Variants in PPAT observed in about 807,000 individuals in gnomAD.
The protein encoded by PPAT is amidophosphoribosyltransferase.
A neutral mutation model predicts 60.2 loss-of-function variants in PPAT; 20 were observed. That is an observed-to-expected ratio of 0.33 (90% CI 0.23 to 0.48). The LOEUF is 0.48. PPAT is among the 20% of genes least tolerant of loss of function. PPAT has a pLI of 0.99. For missense variants in PPAT, 349 were observed against 629.6 expected (o/e 0.55, Z 4.77); for synonymous variants, 194 against 215.1 (o/e 0.90, Z 0.86).
chr4:56,407,124 CT>C (rs1333392350), intron 2 of PPAT, among the ~76,000 whole-genome samples: 1 of 152,086 alleles, frequency 6.6e-6, no homozygotes, highest in African/African-American at 2.4e-5. Context: ...AAATGACCCC[CT>C]ATTTGAGTTG....
In PPAT at chr4:56,396,691, C is replaced by A; in HGVS notation, c.1285G>T (p.Gly429Ter). 1 of 1,610,676 alleles carries A rather than the reference C, an allele frequency of 6.2e-7. No individual in the cohort carries two copies. The highest frequency in any genetic ancestry group is 8.5e-7 in the Non-Finnish European group (1 of 1,177,542). The change falls in exon 10 of 11, where the codon GGA becomes TGA. Residue 429 changes from glycine to a stop codon, truncating the protein, a stop_gained. Coordinates refer to ENST00000264220, the MANE Select transcript of PPAT (RefSeq NM_002703.5). LOFTEE classifies it high-confidence loss of function. This position sits in a 1 kb window ranked among gnomAD's most constrained non-coding sequence, Gnocchi z 4.6. ...SPPIKYPCFM[G>*]INIPTKEELI... ...TCTTCTTTTGTAGGAATGTTTATTC[C>A]CATGAAGCATGGATATTTAATTGGT...
At chr4:56,427,249 C>T (rs1054063219) in intron 1 of PPAT, among the ~76,000 whole-genome samples, 7 of 152,120 alleles carry the variant, frequency 4.6e-5, no homozygotes, top group Admixed American at 1.3e-4. Flanking sequence ...TACCCAGAAG[C>T]GAAATTGTTG....
chr4:56,418,126 C>G (rs886336537), intron 1 of PPAT, among the ~76,000 whole-genome samples: 1 of 151,888 alleles, frequency 6.6e-6, no homozygotes. Context: ...CGTGAGCCAC[C>G]GCACCTGGCT....
At chr4:56,433,966 A>T (rs1017476820) in intron 1 of PPAT, among the ~76,000 whole-genome samples, 2 of 152,208 alleles carry the variant, frequency 1.3e-5, no homozygotes, top group African/African-American at 4.8e-5. Flanking sequence ...CTGGGATTAC[A>T]GGCGTGAGCC....
At chr4:56,432,572 T>C (rs1372403394) in intron 1 of PPAT, among the ~76,000 whole-genome samples, 1 of 142,070 alleles carries the variant, frequency 7.0e-6, no homozygotes, top group Non-Finnish European at 1.5e-5. Flanking sequence ...GATCACGAGG[T>C]CAGGAGATCG....
At chr4:56,401,538 T>A (rs1424264936) in intron 6 of PPAT, 57 bp from the exon 7 acceptor site, 19 of 1,412,660 alleles carry the variant, frequency 1.3e-5, no homozygotes, top group Non-Finnish European at 1.8e-5. Flanking sequence ...TTAAGGCTGA[T>A]GAAAATATTA....
chr4:56,404,120 T>G (rs1463220177), intron 3 of PPAT: 3 of 370,978 alleles, frequency 8.1e-6, no homozygotes, highest in Non-Finnish European at 1.7e-5. Context: ...ATAGGAAATC[T>G]AGAAGATTTT....
chr4:56,428,652 C>G (rs879814082), intron 1 of PPAT, among the ~76,000 whole-genome samples: 38 of 152,100 alleles, frequency 2.5e-4, no homozygotes, highest in Non-Finnish European at 2.4e-4. Flanking sequence ...TCTAGACATT[C>G]CTCTTTGCAT....
At chr4:56,429,528 T>C (rs1336549516) in intron 1 of PPAT, among the ~76,000 whole-genome samples, 5 of 151,868 alleles carry the variant, frequency 3.3e-5, no homozygotes, top group African/African-American at 7.3e-5. Flanking sequence ...AGAAAGAAAA[T>C]GCACATAAGA....
chr4:56,431,741 C>G (rs1012038278), intron 1 of PPAT, among the ~76,000 whole-genome samples: 1 of 152,104 alleles, frequency 6.6e-6, no homozygotes, highest in African/African-American at 2.4e-5. Context: ...CAAATATGTC[C>G]AGGCCATTCT....
intron 1 of PPAT, among the ~76,000 whole-genome samples, chr4:56,417,586 G>A (rs115735835): frequency 0.031 from 4,751 of 152,186 alleles, 120 homozygotes; most frequent in Middle Eastern, 0.058. Context: ...TTCGAGACTA[G>A]CCTGGGCAAC....
chr4:56,399,417 G>T lies in PPAT; in HGVS notation c.1015-17C>A. The T allele has an allele frequency of 1.3e-6, 2 of 1,588,062 alleles. No homozygotes were observed. Among genetic ancestry groups the T allele is most frequent in the Non-Finnish European group, 1.7e-6 (2 of 1,156,990 alleles). On this transcript the variant is annotated splice_polypyrimidine_tract_variant and intron_variant, in intron 8 of 10. Transcript: ENST00000264220. ...AAGTCCACACTGATAGAGAAGAAAT[G>T]AAAGGATAATGAGGAGTAATATACA...
chr4:56,398,649 T>C (rs771264211), intron 9 of PPAT, among the ~76,000 whole-genome samples: 13 of 151,716 alleles, frequency 8.6e-5, no homozygotes, highest in South Asian at 8.3e-4. Flanking sequence ...TGAGTTTCAC[T>C]ATGTCGTCCA....
chr4:56,414,046 C>T (rs1716599590), intron 1 of PPAT, among the ~76,000 whole-genome samples: 1 of 152,136 alleles, frequency 6.6e-6, no homozygotes, highest in African/African-American at 2.4e-5. Context: ...TACAAACTGA[C>T]CATTCATGTC....
At chr4:56,404,272 T>C (rs541639726) in intron 3 of PPAT, among the ~76,000 whole-genome samples, 14 of 152,340 alleles carry the variant, frequency 9.2e-5, no homozygotes, top group African/African-American at 3.4e-4. Flanking sequence ...ACACTCTTGA[T>C]GAACTGGGTA....
rs183766324 is a variant in PPAT at position 56,396,558 on chromosome 4, A to C, written c.1357+61T>G. 7 of 1,487,646 alleles carry C rather than the reference A, an allele frequency of 4.7e-6. No homozygotes were observed. The Admixed American group carries it at 1.3e-4, about 27-fold the overall frequency. The allele number at this position is 1,487,646 out of a possible 1,614,324, so 92.2% of individuals were successfully genotyped here. ...ACTCCTTTTTACTAAAGGTGTAAAG[A>C]CTGTCAAGCTTTGGATTTTCTCTGT... On this transcript the variant is annotated intron_variant, in intron 10 of 10. Coordinates refer to ENST00000264220, the MANE Select transcript of PPAT (RefSeq NM_002703.5). The surrounding 1 kb of genome is among the most constrained non-coding windows in gnomAD (Gnocchi z 4.6).
intron 1 of PPAT, among the ~76,000 whole-genome samples, chr4:56,431,827 CT>C (rs1343682554): frequency 2.0e-5 from 3 of 152,170 alleles, no homozygotes; most frequent in African/African-American, 7.2e-5. Context: ...TTGTTCAGAA[CT>C]CCGCAAACTA....
At chr4:56,403,010 T>G (rs748464859) in intron 5 of PPAT, 30 bp downstream of exon 5, 1 of 1,553,986 alleles carries the variant, frequency 6.4e-7, no homozygotes, top group Non-Finnish European at 8.7e-7. Flanking sequence ...AAAAACACTA[T>G]GAAATGATAT....
intron 1 of PPAT, among the ~76,000 whole-genome samples, chr4:56,427,607 C>T (rs906666854): frequency 1.3e-5 from 2 of 149,316 alleles, no homozygotes; most frequent in African/African-American, 2.5e-5. Flanking sequence ...AGGAGGTCCA[C>T]GCCAGCCTCG....
Sources: allele counts gnomAD v4.1 joint callset (sites outside exome capture counted in the v4.1 genomes callset), GRCh38; gene constraint gnomAD v4.1.1; non-coding constraint Gnocchi (gnomAD v3.1); transcripts MANE v1.5; gene names NCBI Gene and HGNC (gene_info 2026-07-23, HGNC 2026-07-21).